The following GPC5 variants were observed in gnomAD, a reference collection of about 807,000 sequenced individuals.
GPC5 encodes the protein glypican 5, also known as glypican-5.
A neutral mutation model predicts 53.9 loss-of-function variants in GPC5; 47 were observed. The observed-to-expected ratio is 0.87, with a 90% CI of 0.69 to 1.11. GPC5 has a LOEUF of 1.11. Ranked by LOEUF, GPC5 falls within the 50% of genes most tolerant of loss-of-function variation. The pLI is 0.00. For synonymous variants in GPC5, 286 were observed against 263.3 expected, an observed-to-expected ratio of 1.09 and a Z score of -0.84; for missense variants, 748 against 713.1, an observed-to-expected ratio of 1.05 and a Z score of -0.56.
chr13:91,494,323 G>T (rs1186918909), intron 2 of GPC5, among the ~76,000 whole-genome samples: 1 of 140,054 alleles, frequency 7.1e-6, no homozygotes, highest in Non-Finnish European at 1.5e-5. Flanking sequence ...TTTCTCTCTG[G>T]CTCCATTATT....
At chr13:92,403,601 A>G (rs1343250624) in intron 7 of GPC5, among the ~76,000 whole-genome samples, 1 of 152,216 alleles carries the variant, frequency 6.6e-6, no homozygotes, top group Non-Finnish European at 1.5e-5. Context: ...CCATCCCCCA[A>G]CAGTCTGTGG....
At chr13:92,382,696 C>T (rs1042522142) in intron 7 of GPC5, among the ~76,000 whole-genome samples, 3 of 152,230 alleles carry the variant, frequency 2.0e-5, no homozygotes, top group African/African-American at 2.4e-5. Context: ...AGAACAGGCA[C>T]ATTATAATGC....
intron 4 of GPC5, among the ~76,000 whole-genome samples, chr13:91,747,177 C>T (rs1240682520): frequency 6.6e-6 from 1 of 152,138 alleles, no homozygotes; most frequent in East Asian, 1.9e-4. Context: ...TGATTAAAGT[C>T]AATTATAACA....
At position 91,589,284 on chromosome 13, in the gene GPC5, CTT is replaced by C. The variant is rs199777535; in HGVS notation, c.326-103902_326-103901del. Among the ~76,000 whole-genome samples the C allele has an allele frequency of 3.5e-3, 525 of 152,040 alleles. 5 individuals carry two copies. The highest frequency in any genetic ancestry group is 0.012 in the African/African-American group (498 of 41,480). On this transcript the variant is annotated intron_variant, in intron 2 of 7. Coordinates refer to ENST00000377067, the MANE Select transcript of GPC5 (RefSeq NM_004466.6). Reference sequence around the variant, plus strand: ...CTTTAATTTTAAGTATTGTATATTTCTTGGGTTTCCTCCTTTGCCTTTCCCCA... The same window carrying C: ...CTTTAATTTTAAGTATTGTATATTTCGGGTTTCCTCCTTTGCCTTTCCCCA...
chr13:92,027,861 A>C (rs999009395), intron 6 of GPC5, among the ~76,000 whole-genome samples: 3 of 152,176 alleles, frequency 2.0e-5, no homozygotes, highest in Non-Finnish European at 4.4e-5. Flanking sequence ...CAGTGACAAG[A>C]CTACCTTCCT....
At chr13:92,186,705 C>A (rs1390532119) in intron 7 of GPC5, among the ~76,000 whole-genome samples, 1 of 152,128 alleles carries the variant, frequency 6.6e-6, no homozygotes, top group African/African-American at 2.4e-5. Flanking sequence ...GGATTGGTGA[C>A]TTGCCCACTT....
intron 7 of GPC5, among the ~76,000 whole-genome samples, chr13:92,577,418 A>ATGTGTGTGTGTGTG (rs56162097): frequency 0.083 from 12,056 of 145,232 alleles, 627 homozygotes; most frequent in Non-Finnish European, 0.12. Flanking sequence ...ATGTATGTAT[A>ATGTGTGTGTGTGTG]TGTGTGTGTG....
At chr13:92,255,412 A>G (rs115813394) in intron 7 of GPC5, among the ~76,000 whole-genome samples, 4,094 of 152,262 alleles carry the variant, frequency 0.027, 124 homozygotes, top group African/African-American at 0.076. Flanking sequence ...AGAACATCTA[A>G]CCTAAAAATA....
chr13:92,417,276 G>A (rs950180438), intron 7 of GPC5, among the ~76,000 whole-genome samples: 2 of 152,164 alleles, frequency 1.3e-5, no homozygotes, highest in African/African-American at 4.8e-5. Context: ...TTAGCTGTCA[G>A]TAAAATGCAA....
At chr13:92,851,118 A>C (rs549767923) in intron 7 of GPC5, among the ~76,000 whole-genome samples, 1 of 152,256 alleles carries the variant, frequency 6.6e-6, no homozygotes, top group South Asian at 2.1e-4. Context: ...GAGGTGCTAC[A>C]TACTTTTAAA....
intron 6 of GPC5, among the ~76,000 whole-genome samples, chr13:91,922,364 G>C (rs1208945304): frequency 6.6e-6 from 1 of 151,876 alleles, no homozygotes; most frequent in Non-Finnish European, 1.5e-5. Flanking sequence ...ATATAACCTG[G>C]TCTTCCATCT....
chr13:92,321,738 T>C (rs1161761142), intron 7 of GPC5, among the ~76,000 whole-genome samples: 1 of 152,182 alleles, frequency 6.6e-6, no homozygotes, highest in Non-Finnish European at 1.5e-5. Flanking sequence ...TACGGTATAC[T>C]GATTATGCTG....
At chr13:92,834,863 G>A (rs972004568) in intron 7 of GPC5, among the ~76,000 whole-genome samples, 13 of 151,962 alleles carry the variant, frequency 8.6e-5, no homozygotes, top group African/African-American at 1.2e-4. Context: ...GACAAGAATC[G>A]AACTTACCAT....
intron 7 of GPC5, among the ~76,000 whole-genome samples, chr13:92,506,651 T>G (rs961061687): frequency 4.6e-5 from 7 of 152,130 alleles, no homozygotes; most frequent in African/African-American, 1.7e-4. Context: ...CTGTTTCTTT[T>G]GTTTTGTGGT....
intron 7 of GPC5, among the ~76,000 whole-genome samples, chr13:92,635,395 C>A (rs1440451794): frequency 6.6e-6 from 1 of 152,206 alleles, no homozygotes; most frequent in African/African-American, 2.4e-5. Context: ...AGCATGGCAC[C>A]AGCATGTAGA....
chr13:91,415,483 G>A (rs1458503543), intron 1 of GPC5, among the ~76,000 whole-genome samples: 1 of 152,064 alleles, frequency 6.6e-6, no homozygotes, highest in Non-Finnish European at 1.5e-5. Context: ...ACATAGACCT[G>A]GTGTTTCACT....
intron 2 of GPC5, among the ~76,000 whole-genome samples, chr13:91,601,358 T>C (rs181323078): frequency 1.6e-3 from 242 of 152,268 alleles, no homozygotes; most frequent in Non-Finnish European, 2.5e-3. Context: ...TTAAAATATC[T>C]GATATTGTTA....
At chr13:92,796,962 C>A (rs191672644) in intron 7 of GPC5, among the ~76,000 whole-genome samples, 1 of 152,000 alleles carries the variant, frequency 6.6e-6, no homozygotes, top group African/African-American at 2.4e-5. Context: ...AATCAACTGG[C>A]TTCTTCGAAA....
chr13:92,339,406 T>G (rs1164643150), intron 7 of GPC5, among the ~76,000 whole-genome samples: 1 of 152,042 alleles, frequency 6.6e-6, no homozygotes, highest in Admixed American at 6.6e-5. Context: ...CAAGGATATA[T>G]TTAAGAAGCC....
Sources: allele counts gnomAD v4.1 joint callset (sites outside exome capture counted in the v4.1 genomes callset), GRCh38; gene constraint gnomAD v4.1.1; transcripts MANE v1.5; gene names NCBI Gene and HGNC (gene_info 2026-07-23, HGNC 2026-07-21).